Variants in MALRD1 observed in about 807,000 individuals in gnomAD.
MALRD1 encodes the protein MAM and LDL-receptor class A domain-containing protein 1.
In MALRD1, 247 loss-of-function variants were observed where a neutral mutation model predicts 242.1. The ratio of observed to expected loss-of-function variants is 1.02; its 90% confidence interval spans 0.92 to 1.13. MALRD1 has a LOEUF of 1.13. Among genes scored for constraint, MALRD1 ranks in the 50% most tolerant of loss-of-function variants. MALRD1 has a pLI of 0.00. For synonymous variants in MALRD1, 995 were observed against 866.6 expected, an observed-to-expected ratio of 1.15 and a Z score of -2.60; for missense variants, 2,989 against 2,533.1, an observed-to-expected ratio of 1.18 and a Z score of -3.86.
intron 12 of MALRD1, among the ~76,000 whole-genome samples, chr10:19,163,547 G>A (rs1258287961): frequency 6.6e-6 from 1 of 152,008 alleles, no homozygotes; most frequent in Non-Finnish European, 1.5e-5. Flanking sequence ...GATAACTATT[G>A]GGTACAATGC....
intron 26 of MALRD1, among the ~76,000 whole-genome samples, chr10:19,373,512 T>C (rs929268489): frequency 2.1e-5 from 3 of 142,520 alleles, no homozygotes; most frequent in African/African-American, 7.9e-5. Context: ...AAAGCAAAAC[T>C]CTGTCAAAAA....
intron 18 of MALRD1, among the ~76,000 whole-genome samples, chr10:19,225,717 A>C (rs78862538): frequency 4.6e-5 from 7 of 152,100 alleles, no homozygotes; most frequent in African/African-American, 1.7e-4. Context: ...ATGAAAGCCT[A>C]CCAAGAATTG....
At chr10:19,495,862 A>C (rs539755313) in intron 30 of MALRD1, among the ~76,000 whole-genome samples, 8 of 152,336 alleles carry the variant, frequency 5.3e-5, no homozygotes, top group African/African-American at 1.9e-4. Flanking sequence ...GTAGGCTCAA[A>C]ATAAAGGGAA....
rs1417242505 is a variant in MALRD1, at chr10:19,389,456, C to T, written c.4692C>T (p.His1564=). 9.7e-6 allele frequency: 15 copies of T among 1,550,168 alleles called. No homozygotes were observed. Among genetic ancestry groups the T allele is most frequent in the Non-Finnish European group, 1.2e-5 (14 of 1,146,786 alleles). Residue 1564 remains histidine (H), a synonymous_variant, in exon 28 of 40, where the codon CAC becomes CAT. Transcript: ENST00000454679. ...KDHTLGNENG[H]FMYLEATAVG... is the part of the protein sequence containing the mutation. ...GAATTCTGTCCTTGTTCCTAGGGCA[C>T]TTCATGTATCTGGAAGCTACTGCAG...
chr10:19,472,960 G>T (rs191998577), intron 29 of MALRD1, among the ~76,000 whole-genome samples: 2 of 150,084 alleles, frequency 1.3e-5, no homozygotes, highest in East Asian at 2.0e-4. Flanking sequence ...CATATCCTTC[G>T]CATATATTTT....
intron 34 of MALRD1, among the ~76,000 whole-genome samples, chr10:19,602,976 T>G (rs1295891646): frequency 2.6e-5 from 4 of 152,236 alleles, no homozygotes; most frequent in Non-Finnish European, 2.9e-5. Flanking sequence ...ATGTGTCTGT[T>G]GGCTGCATAA....
intron 36 of MALRD1, among the ~76,000 whole-genome samples, chr10:19,631,396 G>A (rs1460494713): frequency 6.6e-6 from 1 of 152,138 alleles, no homozygotes; most frequent in Non-Finnish European, 1.5e-5. Flanking sequence ...GTCTGCCATT[G>A]ATTGGCATGT....
chr10:19,444,462 T>C (rs962115203), intron 28 of MALRD1, among the ~76,000 whole-genome samples: 2 of 152,120 alleles, frequency 1.3e-5, no homozygotes, highest in South Asian at 2.1e-4. Context: ...GTTCTTTCCA[T>C]GTTTATTGCT....
At chr10:19,176,011 ACTTTCT>A (rs1835215934) in intron 14 of MALRD1, among the ~76,000 whole-genome samples, 1 of 152,112 alleles carries the variant, frequency 6.6e-6, no homozygotes, top group Non-Finnish European at 1.5e-5. Flanking sequence ...ACCTTCAGTT[ACTTTCT>A]CTTTCTAGTA....
chr10:19,194,401 TAACA>T (rs1405059613), intron 14 of MALRD1, among the ~76,000 whole-genome samples: 2 of 152,182 alleles, frequency 1.3e-5, no homozygotes. Flanking sequence ...ATTTATCCAG[TAACA>T]ACAAAACGTT....
chr10:19,490,550 C>T (rs192646784), intron 29 of MALRD1, among the ~76,000 whole-genome samples: 33 of 50,790 alleles, frequency 6.5e-4, no homozygotes, highest in African/African-American at 2.3e-3. Flanking sequence ...AGTGGGGGTA[C>T]GGTGAAGGGA....
chr10:19,686,804 C>G (rs947997694), intron 36 of MALRD1, among the ~76,000 whole-genome samples: 2 of 152,074 alleles, frequency 1.3e-5, no homozygotes, highest in South Asian at 2.1e-4. Context: ...AATTTGAAGG[C>G]GGCAACCACA....
At chr10:19,642,059 T>C (rs763137232) in intron 36 of MALRD1, among the ~76,000 whole-genome samples, 5 of 152,192 alleles carry the variant, frequency 3.3e-5, no homozygotes, top group Admixed American at 6.5e-5. Context: ...CTTCAAATGA[T>C]ACATTACAAA....
chr10:19,489,193 A>G (rs757577855), intron 29 of MALRD1: 2 of 472,286 alleles, frequency 4.2e-6, no homozygotes. Context: ...CTCCTGCAAA[A>G]GTGCAGGCGA....
At chr10:19,322,307 T>C (rs2130890425) in intron 21 of MALRD1, among the ~76,000 whole-genome samples, 1 of 152,242 alleles carries the variant, frequency 6.6e-6, no homozygotes, top group Non-Finnish European at 1.5e-5. Flanking sequence ...AAATGCTTTT[T>C]CATTGAGACA....
intron 21 of MALRD1, among the ~76,000 whole-genome samples, chr10:19,292,623 TG>T (rs1265527701): frequency 1.3e-5 from 2 of 151,982 alleles, no homozygotes; most frequent in Non-Finnish European, 2.9e-5. Context: ...CCGGGCGGGG[TG>T]GTTCACGCCT....
chr10:19,367,212 CCTT>C (rs1845146043), intron 26 of MALRD1, among the ~76,000 whole-genome samples: 1 of 151,880 alleles, frequency 6.6e-6, no homozygotes, highest in African/African-American at 2.4e-5. Context: ...AGATCTTACT[CCTT>C]CTCTCTAGCT....
chr10:19,151,638 T>C (rs180820429), intron 11 of MALRD1, among the ~76,000 whole-genome samples: 12 of 152,268 alleles, frequency 7.9e-5, no homozygotes, highest in South Asian at 6.2e-4. Flanking sequence ...TAGTTGAACC[T>C]TAAGTGCCAT....
At chr10:19,273,174 A>G (rs1327776373) in intron 19 of MALRD1, among the ~76,000 whole-genome samples, 3 of 152,214 alleles carry the variant, frequency 2.0e-5, no homozygotes, top group Non-Finnish European at 4.4e-5. Context: ...TAAAAATTAT[A>G]TAATTTTTAC....
Sources: allele counts gnomAD v4.1 joint callset (sites outside exome capture counted in the v4.1 genomes callset), GRCh38; gene constraint gnomAD v4.1.1; transcripts MANE v1.5; gene names NCBI Gene and HGNC (gene_info 2026-07-23, HGNC 2026-07-21).